Variants in PRR16 observed in about 807,000 individuals in gnomAD.
PRR16 encodes protein Largen.
A neutral mutation model predicts 18.2 loss-of-function variants in PRR16; 6 were observed. The observed-to-expected ratio is 0.33, with a 90% CI of 0.18 to 0.65. PRR16 has a LOEUF of 0.65. Ranked by LOEUF, PRR16 falls within the 30% of genes least tolerant of loss-of-function variation. The pLI is 0.74. For missense variants in PRR16, 412 were observed against 376.6 expected (o/e 1.09, Z -0.78); for synonymous variants, 151 against 147.8 (o/e 1.02, Z -0.16).
chr5:120,506,379 A>C (rs1310109303), intron 1 of PRR16, among the ~76,000 whole-genome samples: 1 of 152,158 alleles, frequency 6.6e-6, no homozygotes, highest in Non-Finnish European at 1.5e-5. Flanking sequence ...CTAAAGATAA[A>C]TAAATAAAAA....
intron 1 of PRR16, among the ~76,000 whole-genome samples, chr5:120,680,305 G>C (rs1436106340): frequency 6.6e-6 from 1 of 152,064 alleles, no homozygotes; most frequent in Non-Finnish European, 1.5e-5. Context: ...GCATAAACAA[G>C]ATATACCTAC....
At chr5:120,568,438 A>G (rs1269947663) in intron 1 of PRR16, among the ~76,000 whole-genome samples, 2 of 152,194 alleles carry the variant, frequency 1.3e-5, no homozygotes, top group Non-Finnish European at 2.9e-5. Flanking sequence ...TATGGGAAAG[A>G]TCTTTCCTGA....
At chr5:120,635,445 A>AT (rs1179913777) in intron 1 of PRR16, among the ~76,000 whole-genome samples, 17 of 152,294 alleles carry the variant, frequency 1.1e-4, no homozygotes, top group African/African-American at 3.6e-4. Flanking sequence ...CAAACCAGGG[A>AT]TGCAGGGATG....
At chr5:120,489,665 A>T (rs1005944203) in intron 1 of PRR16, among the ~76,000 whole-genome samples, 2 of 152,078 alleles carry the variant, frequency 1.3e-5, no homozygotes, top group African/African-American at 4.8e-5. Context: ...TAAGGTTAAT[A>T]TTGTTATGTG....
chr5:120,705,254 C>T, the PRR16 span, among the ~76,000 whole-genome samples: 3 of 151,900 alleles, frequency 2.0e-5, no homozygotes, highest in Non-Finnish European at 4.4e-5. Flanking sequence ...TCATTTATAG[C>T]TTTTATTCAG....
intron 1 of PRR16, among the ~76,000 whole-genome samples, chr5:120,622,537 G>C (rs1011473757): frequency 4.6e-5 from 7 of 151,886 alleles, no homozygotes; most frequent in African/African-American, 1.7e-4. Context: ...GGAGTGCAAT[G>C]GCATGATCTT....
At chr5:120,727,713 T>C in the PRR16 span, among the ~76,000 whole-genome samples, 1 of 152,132 alleles carries the variant, frequency 6.6e-6, no homozygotes, top group Admixed American at 6.6e-5. Context: ...ACTGTAGATA[T>C]TTATGTTAAA....
the PRR16 span, among the ~76,000 whole-genome samples, chr5:120,699,653 G>A: frequency 6.6e-6 from 1 of 152,174 alleles, no homozygotes; most frequent in African/African-American, 2.4e-5. Flanking sequence ...GCCTCTATAA[G>A]TATTAAAGCA....
At chr5:120,603,811 A>C (rs1754063261) in intron 1 of PRR16, among the ~76,000 whole-genome samples, 1 of 151,692 alleles carries the variant, frequency 6.6e-6, no homozygotes, top group Non-Finnish European at 1.5e-5. Flanking sequence ...ACTTTTTTTC[A>C]CAAAAGTAGT....
the PRR16 span, among the ~76,000 whole-genome samples, chr5:120,739,929 T>C: frequency 6.6e-6 from 1 of 152,302 alleles, no homozygotes; most frequent in South Asian, 2.1e-4. Context: ...ATTTATATAA[T>C]AGATGAATAA....
the PRR16 span, among the ~76,000 whole-genome samples, chr5:120,712,622 G>GA: frequency 6.6e-6 from 1 of 151,170 alleles, no homozygotes; most frequent in Admixed American, 6.6e-5. Flanking sequence ...AATAGTAAAA[G>GA]AAAAAAAATC....
intron 1 of PRR16, among the ~76,000 whole-genome samples, chr5:120,643,201 A>C (rs1440686053): frequency 6.6e-6 from 1 of 152,052 alleles, no homozygotes; most frequent in Non-Finnish European, 1.5e-5. Context: ...AAAAAAACAA[A>C]ACAAAACTCT....
the PRR16 span, among the ~76,000 whole-genome samples, chr5:120,773,136 A>G: frequency 6.6e-6 from 1 of 152,170 alleles, no homozygotes; most frequent in East Asian, 1.9e-4. Flanking sequence ...ATGGATTCTT[A>G]CTAGTATCCG....
At chr5:120,750,396 C>T in the PRR16 span, among the ~76,000 whole-genome samples, 2 of 151,982 alleles carry the variant, frequency 1.3e-5, no homozygotes, top group South Asian at 4.1e-4. Context: ...CGGTGGCTCA[C>T]ACCTGTAATC....
At chr5:120,692,276 G>T (rs908566594), downstream of PRR16, among the ~76,000 whole-genome samples, 1 of 152,172 alleles carries the variant, frequency 6.6e-6, no homozygotes, top group African/African-American at 2.4e-5. Flanking sequence ...AATAACCCCA[G>T]TATCTCAAAA....
intron 1 of PRR16, among the ~76,000 whole-genome samples, chr5:120,567,703 T>C (rs1027898287): frequency 6.6e-6 from 1 of 152,300 alleles, no homozygotes; most frequent in Middle Eastern, 3.4e-3. Flanking sequence ...TCACTCTCTG[T>C]CTCCTGCTAC....
At chr5:120,785,575 G>GTTGTTTTTTTTTTTTT in the PRR16 span, among the ~76,000 whole-genome samples, 104 of 115,358 alleles carry the variant, frequency 9.0e-4, 2 homozygotes, top group African/African-American at 2.9e-3. Flanking sequence ...TGTTGTTGTT[G>GTTGTTTTTTTTTTTTT]TTTTTTTTTT....
At chr5:120,561,370 A>G (rs1752568731) in intron 1 of PRR16, among the ~76,000 whole-genome samples, 1 of 151,948 alleles carries the variant, frequency 6.6e-6, no homozygotes, top group Non-Finnish European at 1.5e-5. Context: ...TTCTTTATTT[A>G]CTCACTGGTC....
At chr5:120,635,467 A>G (rs1755196141) in intron 1 of PRR16, among the ~76,000 whole-genome samples, 3 of 152,168 alleles carry the variant, frequency 2.0e-5, no homozygotes, top group South Asian at 4.1e-4. Context: ...TTTAACATAC[A>G]TAAAGTCAAT....
Sources: gnomAD v4.1 joint callset for allele counts (sites outside exome capture counted in the v4.1 genomes callset) on GRCh38, gnomAD v4.1.1 for gene constraint, MANE v1.5 for transcripts, NCBI Gene and HGNC (gene_info 2026-07-23, HGNC 2026-07-21) for gene names.